Variants in CUL4A observed in about 807,000 individuals in gnomAD.
CUL4A encodes cullin-4A.
A neutral mutation model predicts 95.5 loss-of-function variants in CUL4A; 16 were observed. That is an observed-to-expected ratio of 0.17 (90% CI 0.11 to 0.25). The LOEUF is 0.25. Among genes scored for constraint, CUL4A ranks in the 10% least tolerant of loss-of-function variants. CUL4A has a pLI of 1.00. For missense variants in CUL4A, 610 were observed against 937.0 expected (o/e 0.65, Z 4.56); for synonymous variants, 380 against 353.1 (o/e 1.08, Z -0.85).
intron 3 of CUL4A, chr13:113,219,483 A>G (rs940232791): frequency 2.5e-5 from 4 of 158,954 alleles, no homozygotes; most frequent in African/African-American, 7.2e-5. Context: ...TCAAGGTGTC[A>G]GCCAGGTTGG....
Position 113,258,129 on chromosome 13 carries a change from C to T in CUL4A, c.2032-2478C>T, listed in dbSNP as rs117615329. 7.0e-3 allele frequency among the ~76,000 whole-genome samples: 1,059 copies of T among 151,948 alleles called. 30 individuals are homozygous for T. The East Asian group carries it at 0.11, about 16-fold the overall frequency. Reference sequence around the variant, plus strand: ...CTCAAGCGATCCTCCCACCTCAGCCCCAGGCATATGCCACCACGCCCAGCT... The same window carrying T: ...CTCAAGCGATCCTCCCACCTCAGCCTCAGGCATATGCCACCACGCCCAGCT... On this transcript the variant is annotated intron_variant, in intron 18 of 19. Transcript: ENST00000375440.
chr13:113,217,747 T>C (rs2040748356), intron 2 of CUL4A, among the ~76,000 whole-genome samples: 1 of 152,212 alleles, frequency 6.6e-6, no homozygotes, highest in South Asian at 2.1e-4. Context: ...ATCCCCACAT[T>C]TTTCGAACCC....
rs977621068 is a variant in CUL4A, at chr13:113,249,186, G to A, written c.1638+3123G>A. On this transcript the variant is annotated intron_variant, in intron 15 of 19. Transcript: ENST00000375440. Reference sequence around the variant, plus strand: ...TTGTGTCTGGCTTCTTTCACTTAGCGTGCTGTTTTCAAAGTCCATCCGTGC... The same window carrying A: ...TTGTGTCTGGCTTCTTTCACTTAGCATGCTGTTTTCAAAGTCCATCCGTGC... Among the ~76,000 whole-genome samples, 10 of 152,100 alleles carry A rather than the reference G, an allele frequency of 6.6e-5. No homozygotes were observed. The South Asian group carries it at 8.3e-4, about 13-fold the overall frequency.
At chr13:113,247,167 C>A (rs551301499) in intron 15 of CUL4A, among the ~76,000 whole-genome samples, 211 of 152,130 alleles carry the variant, frequency 1.4e-3, no homozygotes, top group African/African-American at 4.9e-3. Flanking sequence ...ACAGGGAGGG[C>A]GCCAGGCCAT....
intron 8 of CUL4A, among the ~76,000 whole-genome samples, chr13:113,236,578 C>T (rs2041551955): frequency 6.6e-6 from 1 of 152,230 alleles, no homozygotes; most frequent in Non-Finnish European, 1.5e-5. Context: ...AGAAGCATCC[C>T]TGCTTCCCTG....
chr13:113,249,623 G>A (rs1322203840), intron 15 of CUL4A, among the ~76,000 whole-genome samples: 2 of 152,214 alleles, frequency 1.3e-5, no homozygotes, highest in Non-Finnish European at 2.9e-5. Flanking sequence ...ATATACCTGG[G>A]AGTGGAACTG....
At chr13:113,217,051 C>T (rs1202652981) in intron 2 of CUL4A, among the ~76,000 whole-genome samples, 1 of 152,226 alleles carries the variant, frequency 6.6e-6, no homozygotes, top group Non-Finnish European at 1.5e-5. Context: ...TCATTTGCCA[C>T]AACCAGGAAA....
rs762624046 is a variant in CUL4A at position 113,245,254 on chromosome 13, AG to A, written c.1530+19del. On this transcript the variant is annotated intron_variant, in intron 14 of 19. Coordinates refer to ENST00000375440, the MANE Select transcript of CUL4A (RefSeq NM_001008895.4). ...TTCAAGCAGGTGAGTTGTGTTTCTTAGGTAAAGCGGCTTTTTAAAAAGTATC... is the reference window on the plus strand; with the variant it reads ...TTCAAGCAGGTGAGTTGTGTTTCTTAGTAAAGCGGCTTTTTAAAAAGTATC... The A allele has an allele frequency of 6.2e-7, 1 of 1,611,700 alleles. No homozygotes were observed. Among genetic ancestry groups the A allele is most frequent in the African/African-American group, 1.3e-5 (1 of 75,012 alleles).
chr13:113,253,869 T>C (rs2042055892), intron 16 of CUL4A, among the ~76,000 whole-genome samples: 1 of 152,230 alleles, frequency 6.6e-6, no homozygotes, highest in East Asian at 1.9e-4. Flanking sequence ...AACATAAAAT[T>C]CCTATTTTGT....
intron 7 of CUL4A, 90 bp downstream of exon 7, chr13:113,234,076 A>G: frequency 2.8e-6 from 2 of 712,430 alleles, no homozygotes; most frequent in Non-Finnish European, 4.8e-6. Flanking sequence ...CTTTTCACAC[A>G]CATGCAAATG....
In CUL4A at chr13:113,263,543, A is replaced by G. The variant is rs756015183; in HGVS notation, c.2241A>G (p.Arg747=). The G allele has an allele frequency of 6.2e-6, 10 of 1,609,004 alleles. No homozygotes were observed. Among genetic ancestry groups the G allele is most frequent in the African/African-American group, 1.3e-5 (1 of 74,608 alleles). The change falls in exon 20 of 20, where the codon AGA becomes AGG. Residue 747 remains arginine, a synonymous_variant. Coordinates refer to ENST00000375440, the MANE Select transcript of CUL4A (RefSeq NM_001008895.4). ...ESLIDRDYME[R]DKDNPNQYHY... ...TGATAGACAGAGACTATATGGAGAG[A>G]GACAAAGACAATCCGAATCAGTACC...
At chr13:113,221,491 A>C (rs1219522648) in intron 3 of CUL4A, among the ~76,000 whole-genome samples, 3 of 152,238 alleles carry the variant, frequency 2.0e-5, no homozygotes, top group Admixed American at 1.3e-4. Flanking sequence ...TTGGAGCTTA[A>C]ACCCGAATGG....
At chr13:113,221,891 C>T (rs1274565807) in intron 3 of CUL4A, among the ~76,000 whole-genome samples, 1 of 152,172 alleles carries the variant, frequency 6.6e-6, no homozygotes, top group Non-Finnish European at 1.5e-5. Context: ...TAAGGGTTTT[C>T]AAAGGTTCAG....
chr13:113,253,556 G>A (rs1330728900), intron 16 of CUL4A, among the ~76,000 whole-genome samples: 1 of 151,940 alleles, frequency 6.6e-6, no homozygotes, highest in Non-Finnish European at 1.5e-5. Flanking sequence ...ATTTGATGAA[G>A]CCTAAAAAAT....
At chr13:113,237,633 A>G (rs1397440803) in intron 9 of CUL4A, among the ~76,000 whole-genome samples, 3 of 152,210 alleles carry the variant, frequency 2.0e-5, no homozygotes, top group Non-Finnish European at 2.9e-5. Context: ...GGCACATTTC[A>G]CTGTTACCAT....
rs1206381907 is a variant in CUL4A, at chr13:113,232,166, ACCCG to A, written c.513-1007_513-1004del. ...CACCACCATTACTGCTGCCACCACT[ACCCG>A]CCCACCACCATTACTGCTGCCACCA... On this transcript the variant is annotated intron_variant, in intron 5 of 19. Transcript: ENST00000375440. Among the ~76,000 whole-genome samples the A allele has an allele frequency of 4.0e-4, 42 of 104,520 alleles. 6 individuals carry two copies. Among genetic ancestry groups the A allele is most frequent in the African/African-American group, 1.9e-3 (39 of 20,598 alleles). The allele number at this position is 104,520 out of a possible 152,430, so 68.6% of individuals were successfully genotyped here.
chr13:113,214,770 A>G (rs1037352346), intron 2 of CUL4A, among the ~76,000 whole-genome samples: 4 of 152,128 alleles, frequency 2.6e-5, no homozygotes, highest in Admixed American at 1.3e-4. Flanking sequence ...AGTCCTTTGT[A>G]TTAGGTGGCA....
At chr13:113,208,394 G>A (rs1036800051), upstream of CUL4A, 11 of 1,441,270 alleles carry the variant, frequency 7.6e-6, no homozygotes, top group South Asian at 1.2e-4. Flanking sequence ...CGGCCCCCAC[G>A]GCGGCCCTGC....
rs1009824639 is a variant in CUL4A at position 113,228,066 on chromosome 13, A to T, written c.438+21A>T. ...AAATGGTAAGCTTGTTCACTTTTTC[A>T]TCAAAACACGACCTCATCCATCTTC... On this transcript the variant is annotated intron_variant, in intron 4 of 19. Coordinates refer to ENST00000375440, the MANE Select transcript of CUL4A (RefSeq NM_001008895.4). 3 of 1,581,670 alleles carry T rather than the reference A, an allele frequency of 1.9e-6. No individual in the cohort carries two copies. The East Asian group carries it at 6.7e-5, about 35-fold the overall frequency.
Sources: gnomAD v4.1 joint callset for allele counts (sites outside exome capture counted in the v4.1 genomes callset) on GRCh38, gnomAD v4.1.1 for gene constraint, MANE v1.5 for transcripts, NCBI Gene and HGNC (gene_info 2026-07-23, HGNC 2026-07-21) for gene names.